Variants in TNS1 observed in about 807,000 individuals in gnomAD.
TNS1 encodes tensin-1.
A neutral mutation model predicts 168.6 loss-of-function variants in TNS1; 62 were observed. That is an observed-to-expected ratio of 0.37 (90% confidence interval 0.30 to 0.45). TNS1 has a LOEUF of 0.45. TNS1 is among the 20% of genes least tolerant of loss of function. TNS1 has a pLI of 1.00. For synonymous variants in TNS1, 934 were observed against 933.2 expected, an observed-to-expected ratio of 1.00 and a Z score of -0.02; for missense variants, 2,240 against 2,339.4, an observed-to-expected ratio of 0.96 and a Z score of 0.88.
chr2:218,000,577 AC>A (rs1958544582), intron 1 of TNS1, among the ~76,000 whole-genome samples: 1 of 152,160 alleles, frequency 6.6e-6, no homozygotes, highest in African/African-American at 2.4e-5. Context: ...CTCTTTCCCC[AC>A]CCTAGCCATA....
chr2:217,984,614 GA>G (rs1958144156), intron 2 of TNS1, among the ~76,000 whole-genome samples: 1 of 151,414 alleles, frequency 6.6e-6, no homozygotes, highest in African/African-American at 2.4e-5. Context: ...TCAGCCTCTG[GA>G]GTATCTGGGA....
intron 1 of TNS1, among the ~76,000 whole-genome samples, chr2:218,016,555 C>A (rs937223836): frequency 3.3e-5 from 5 of 152,170 alleles, no homozygotes; most frequent in Non-Finnish European, 7.3e-5. Flanking sequence ...CCCCAGGACT[C>A]TCCAGTGCCC....
intron 23 of TNS1, 46 bp from the exon 24 acceptor site, chr2:217,818,805 GA>G: frequency 6.7e-7 from 1 of 1,498,570 alleles, no homozygotes; most frequent in Non-Finnish European, 9.1e-7. Context: ...AGAACTGAAT[GA>G]AGGGTGGATT....
intron 28 of TNS1, among the ~76,000 whole-genome samples, 190 bp from the exon 29 acceptor site, chr2:217,810,509 G>A (rs1940652117): frequency 6.6e-6 from 1 of 152,180 alleles, no homozygotes; most frequent in Admixed American, 6.5e-5. Flanking sequence ...CAGCACACTG[G>A]TTGTGAGCTC....
chr2:217,921,612 C>T (rs983977645), intron 3 of TNS1, among the ~76,000 whole-genome samples: 2 of 152,188 alleles, frequency 1.3e-5, no homozygotes, highest in Non-Finnish European at 2.9e-5. Context: ...GGGTTTTTGA[C>T]ACAGTCGGGC....
chr2:218,014,913 AAGGAAGGAAGGCAGGCAGGC>A (rs1460669349), upstream of TNS1, among the ~76,000 whole-genome samples: 252 of 82,258 alleles, frequency 3.1e-3, 1 homozygote, highest in African/African-American at 9.3e-3. Context: ...GGAAGGAAGG[AAGGAAGGAAGGCAGGCAGGC>A]AGGCAGGCAG....
chr2:217,856,232 C>T (rs1948118190), intron 18 of TNS1, among the ~76,000 whole-genome samples: 1 of 152,182 alleles, frequency 6.6e-6, no homozygotes, highest in African/African-American at 2.4e-5. Flanking sequence ...TAAGAAGTGG[C>T]TCAGGGTGCT....
intron 32 of TNS1, among the ~76,000 whole-genome samples, chr2:217,807,169 C>G (rs1939297353): frequency 1.3e-5 from 2 of 152,202 alleles, no homozygotes; most frequent in South Asian, 4.1e-4. Context: ...CAGTATTTTA[C>G]AGCTATAAAC....
intron 3 of TNS1, among the ~76,000 whole-genome samples, chr2:217,922,838 G>T (rs115921911): frequency 2.0e-5 from 3 of 152,236 alleles, no homozygotes; most frequent in Admixed American, 6.5e-5. Flanking sequence ...TGCCACCCCC[G>T]ACGGCGTCCT....
At chr2:217,893,234 G>A (rs1951916050) in intron 10 of TNS1, among the ~76,000 whole-genome samples, 1 of 152,166 alleles carries the variant, frequency 6.6e-6, no homozygotes, top group African/African-American at 2.4e-5. Context: ...ATAAGCTGAT[G>A]TCCCCTACAC....
intron 12 of TNS1, among the ~76,000 whole-genome samples, chr2:217,888,914 T>G (rs1233544807): frequency 6.6e-6 from 1 of 152,208 alleles, no homozygotes; most frequent in African/African-American, 2.4e-5. Flanking sequence ...ATCCCTGGTC[T>G]TCAGGCCTTC....
chr2:217,934,618 C>T (rs1364636), intron 3 of TNS1, among the ~76,000 whole-genome samples: 2,777 of 152,324 alleles, frequency 0.018, 80 homozygotes, highest in African/African-American at 0.063. Flanking sequence ...TCCTGCCAAG[C>T]GTATCCCCAC....
Position 217,800,402 on chromosome 2 carries a change from G to A in TNS1, c.*4057C>T, listed in dbSNP as rs1203641729. The A allele has an allele frequency of 6.6e-6, 1 of 152,218 alleles. No individual in the cohort carries two copies. The highest frequency in any genetic ancestry group is 1.5e-5 in the Non-Finnish European group (1 of 68,074). 9.4% of individuals were successfully genotyped at this position (152,218 alleles called of 1,614,324 possible). A position where few individuals can be genotyped will look rare whatever the true frequency, so the allele number is the denominator to read the frequency against. The stretch of plus-strand genomic sequence containing the variant: ...CACTTCTCACCTGGGCTATCGCTGA[G>A]ACTCCACCAATTGGTTGGCCTACAG... On this transcript the variant is annotated 3_prime_UTR_variant, in exon 33 of 33. Transcript: ENST00000682258.
chr2:218,004,368 TC>T (rs142664759), upstream of TNS1, among the ~76,000 whole-genome samples: 8,552 of 149,306 alleles, frequency 0.057, 356 homozygotes, highest in Non-Finnish European at 0.083. Flanking sequence ...ATCCCCTGCC[TC>T]CCCCCCCCAC....
chr2:217,963,745 GAA>G lies in TNS1; in HGVS notation c.186+15018_186+15019del, dbSNP rs35864463. ...AGCCATGAAAATATGTACATTTACCGAAAAAAAAAAAAAAAAGGCCAGGCTCA... is the reference window on the plus strand; with the variant it reads ...AGCCATGAAAATATGTACATTTACCGAAAAAAAAAAAAAAGGCCAGGCTCA... On this transcript the variant is annotated intron_variant, in intron 3 of 32. Coordinates refer to ENST00000682258, the MANE Select transcript of TNS1 (RefSeq NM_001387777.1). 2.7e-3 allele frequency among the ~76,000 whole-genome samples: 313 copies of G among 115,350 alleles called. 1 individual carries two copies. Among genetic ancestry groups the G allele is most frequent in the African/African-American group, 8.2e-3 (274 of 33,264 alleles). 75.7% of individuals were successfully genotyped at this position (115,350 alleles called of 152,430 possible).
chr2:217,954,290 C>T (rs1412987629), intron 3 of TNS1, among the ~76,000 whole-genome samples: 5 of 152,284 alleles, frequency 3.3e-5, no homozygotes, highest in South Asian at 2.1e-4. Context: ...ATGCTGCAAG[C>T]GAATGAGCTG....
intron 3 of TNS1, among the ~76,000 whole-genome samples, chr2:217,947,595 T>G (rs1251754433): frequency 4.0e-5 from 6 of 151,888 alleles, no homozygotes; most frequent in Non-Finnish European, 4.4e-5. Context: ...AGCAATGAAT[T>G]GTGTGTGTCG....
rs1937968591 is a variant in TNS1, at chr2:217,804,262, C to CTCTT, written c.*196_*197insAAGA. ...AAGTTCTTCTCCTCCATCTTTCTCTCTCTCTCTCTCTCTCTCTCTCTCTCT... is the reference window on the plus strand; with the variant it reads ...AAGTTCTTCTCCTCCATCTTTCTCTCTCTTTCTCTCTCTCTCTCTCTCTCTCTCT... On this transcript the variant is annotated 3_prime_UTR_variant, in exon 33 of 33. Coordinates refer to ENST00000682258, the MANE Select transcript of TNS1 (RefSeq NM_001387777.1). 1.9e-6 allele frequency: 1 copy of CTCTT among 528,304 alleles called. No individual in the cohort carries two copies. Among genetic ancestry groups the CTCTT allele is most frequent in the Admixed American group, 3.6e-5 (1 of 27,716 alleles). The allele number at this position is 528,304 out of a possible 1,614,324, so 32.7% of individuals were successfully genotyped here. A position where few individuals can be genotyped will look rare whatever the true frequency, so the allele number is the denominator to read the frequency against.
At chr2:217,841,988 A>G in intron 19 of TNS1, 1 of 686,988 alleles carries the variant, frequency 1.5e-6, no homozygotes. Context: ...CCTTCACACC[A>G]CAGGGGCCAC....
Sources: gnomAD v4.1 joint callset for allele counts (sites outside exome capture counted in the v4.1 genomes callset) on GRCh38, gnomAD v4.1.1 for gene constraint, MANE v1.5 for transcripts, NCBI Gene and HGNC (gene_info 2026-07-23, HGNC 2026-07-21) for gene names.